PRR7: variants seen among roughly 807,000 people sequenced by gnomAD.
PRR7 encodes the protein proline-rich protein 7.
A neutral mutation model predicts 18.5 loss-of-function variants in PRR7; 8 were observed. The observed-to-expected ratio is 0.43, with a 90% CI of 0.25 to 0.78. The LOEUF (loss-of-function observed/expected upper bound fraction) is 0.78, where lower values mean the gene tolerates loss of function less well. PRR7 is among the 30% of genes least tolerant of loss of function. PRR7 has a pLI of 0.22. For missense variants in PRR7, 396 were observed against 403.1 expected (o/e 0.98, Z 0.15); for synonymous variants, 221 against 187.7 (o/e 1.18, Z -1.45).
Position 177,449,824 on chromosome 5 carries a change from T to C in PRR7, c.-325+2864T>C, listed in dbSNP as rs2630765. ...GTCATCTACCTGCAAGCAAGGGTGC[T>C]TGCCACTCAGTACCCTGGCCTAGGC... On this transcript the variant is annotated intron_variant, in intron 1 of 3. Transcript: ENST00000323249. This position sits in a 1 kb window ranked among gnomAD's most constrained non-coding sequence, Gnocchi z 4.2. Among the ~76,000 whole-genome samples the C allele has an allele frequency of 0.49, 74,894 of 151,932 alleles. 18,922 individuals are homozygous for C. Among genetic ancestry groups the C allele is most frequent in the Non-Finnish European group, 0.56 (37,907 of 67,916 alleles).
intron 1 of PRR7, among the ~76,000 whole-genome samples, chr5:177,452,887 C>T (rs1430988713): frequency 1.3e-5 from 2 of 152,230 alleles, no homozygotes; most frequent in Non-Finnish European, 2.9e-5. Flanking sequence ...ACTGCTATTC[C>T]ACAGCAGAGT....
At position 177,456,218 on chromosome 5, in the gene PRR7, G is replaced by T; in HGVS notation, c.*97G>T. ...TGGACTGCGGGGAGGGGCGGGGGGA[G>T]GGAGGGATTTCTTATCCCGTTTGTT... On this transcript the variant is annotated 3_prime_UTR_variant, in exon 4 of 4. Transcript: ENST00000323249. 2.0e-6 allele frequency: 1 copy of T among 497,422 alleles called. No individual in the cohort carries two copies. The highest frequency in any genetic ancestry group is 3.5e-6 in the Non-Finnish European group (1 of 285,646). 30.8% of individuals were successfully genotyped at this position (497,422 alleles called of 1,614,324 possible). A position where few individuals can be genotyped will look rare whatever the true frequency, so the allele number is the denominator to read the frequency against.
At position 177,455,950 on chromosome 5, in the gene PRR7, C is replaced by T. The variant is rs771342319; in HGVS notation, c.654C>T (p.Ser218=). The change falls in exon 4 of 4, where the codon AGC becomes AGT. Residue 218 remains serine, a synonymous_variant. Transcript: ENST00000323249. The surrounding 1 kb of genome is among the most constrained non-coding windows in gnomAD (Gnocchi z 6.9). ...ACACCTCGGCGCTGCACCTGCCCAGCGCCCCTCGGCCCGCGCCGCCCTGCC... is the reference window on the plus strand; with the variant it reads ...ACACCTCGGCGCTGCACCTGCCCAGTGCCCCTCGGCCCGCGCCGCCCTGCC... ...RGYTSALHLP[S]APRPAPPCPA... 8.8e-6 allele frequency: 14 copies of T among 1,596,622 alleles called. No individual in the cohort carries two copies. The highest frequency in any genetic ancestry group is 1.2e-5 in the Non-Finnish European group (14 of 1,175,050).
chr5:177,455,160 C>T lies in PRR7; in HGVS notation c.93C>T (p.Cys31=). 1 of 1,576,168 alleles carries T rather than the reference C, an allele frequency of 6.3e-7. No homozygotes were observed. Reference sequence around the variant, plus strand: ...TCATCGTCCTGCTCTGCTGCTTCTGCAGCTTCCTGCGCCGCCGCCTCAAAC... The same window carrying T: ...TCATCGTCCTGCTCTGCTGCTTCTGTAGCTTCCTGCGCCGCCGCCTCAAAC... ...WGLIVLLCCF[C]SFLRRRLKRR... Residue 31 remains cysteine (C), a synonymous_variant, in exon 3 of 4, where the codon TGC becomes TGT. Coordinates refer to ENST00000323249, the MANE Select transcript of PRR7 (RefSeq NM_030567.5). This position sits in a 1 kb window ranked among gnomAD's most constrained non-coding sequence, Gnocchi z 6.9.
rs1428276038 is a variant in PRR7, at chr5:177,455,001, C to T, written c.-67C>T. On this transcript the variant is annotated 5_prime_UTR_variant, in exon 3 of 4. Coordinates refer to ENST00000323249, the MANE Select transcript of PRR7 (RefSeq NM_030567.5). This position sits in a 1 kb window ranked among gnomAD's most constrained non-coding sequence, Gnocchi z 6.9. The stretch of plus-strand genomic sequence containing the variant: ...CGGCACCTGAGAGTGTGGCGCGGGC[C>T]CGGGGCCACGCAGCGGAGCCCAGTG... 12 of 1,381,918 alleles carry T rather than the reference C, an allele frequency of 8.7e-6. No individual in the cohort carries two copies. Among genetic ancestry groups the T allele is most frequent in the Non-Finnish European group, 1.1e-5 (12 of 1,068,380 alleles). The allele number at this position is 1,381,918 out of a possible 1,614,324, so 85.6% of individuals were successfully genotyped here.
In PRR7 at chr5:177,454,962, C is replaced by T; in HGVS notation, c.-106C>T. On this transcript the variant is annotated 5_prime_UTR_variant, in exon 3 of 4. Coordinates refer to ENST00000323249, the MANE Select transcript of PRR7 (RefSeq NM_030567.5). The surrounding 1 kb of genome is among the most constrained non-coding windows in gnomAD (Gnocchi z 4.7). ...ACGGGCAGCCCCCGGCCGCGGGTCC[C>T]CGAGTGACGCTGGCGGCACCTGAGA... 2 of 1,329,308 alleles carry T rather than the reference C, an allele frequency of 1.5e-6. No individual in the cohort carries two copies. The highest frequency in any genetic ancestry group is 9.6e-7 in the Non-Finnish European group (1 of 1,040,506). 82.3% of individuals were successfully genotyped at this position (1,329,308 alleles called of 1,614,324 possible).
chr5:177,453,584 C>A (rs1215233536), intron 1 of PRR7, among the ~76,000 whole-genome samples: 1 of 152,164 alleles, frequency 6.6e-6, no homozygotes, highest in African/African-American at 2.4e-5. Flanking sequence ...CAGCCTGGGG[C>A]TCAGGCTCCC....
At chr5:177,451,932 C>A (rs1249671503) in intron 1 of PRR7, among the ~76,000 whole-genome samples, 5 of 110,702 alleles carry the variant, frequency 4.5e-5, no homozygotes, top group African/African-American at 1.7e-4. Context: ...TACCTCCACA[C>A]CCTTTGCATG....
Position 177,456,266 on chromosome 5 carries a change from G to C in PRR7, c.*145G>C, listed in dbSNP as rs1284174143. 56 of 1,103,920 alleles carry C rather than the reference G, an allele frequency of 5.1e-5. No homozygotes were observed. In the East Asian group the frequency reaches 1.6e-3, roughly 32 times the overall value. The allele number at this position is 1,103,920 out of a possible 1,614,324, so 68.4% of individuals were successfully genotyped here. A position where few individuals can be genotyped will look rare whatever the true frequency, so the allele number is the denominator to read the frequency against. ...GTTACATTTTGAGGATAATAAAGGT[G>C]TGTGATCTGGTTTGGTACAAGCGGA... On this transcript the variant is annotated 3_prime_UTR_variant, in exon 4 of 4. Transcript: ENST00000323249.
chr5:177,456,200 CGGGGAGGGGCGGGGGG>C lies in PRR7; in HGVS notation c.*80_*95del. The C allele has an allele frequency of 8.1e-7, 1 of 1,227,864 alleles. No individual in the cohort carries two copies. Among genetic ancestry groups the C allele is most frequent in the Non-Finnish European group, 1.0e-6 (1 of 958,076 alleles). The allele number at this position is 1,227,864 out of a possible 1,614,324, so 76.1% of individuals were successfully genotyped here. On this transcript the variant is annotated 3_prime_UTR_variant, in exon 4 of 4. Transcript: ENST00000323249. ...GCTTTTTAAATGCTTCCCTGGACTGCGGGGAGGGGCGGGGGGAGGGAGGGATTTCTTATCCCGTTTG... is the reference window on the plus strand; with the variant it reads ...GCTTTTTAAATGCTTCCCTGGACTGCAGGGAGGGATTTCTTATCCCGTTTG...
At chr5:177,446,764 C>T (rs1180570058), upstream of PRR7, 2 of 151,152 alleles carry the variant, frequency 1.3e-5, no homozygotes, top group Non-Finnish European at 3.0e-5. The surrounding 1 kb of genome is among the most constrained non-coding windows in gnomAD (Gnocchi z 5.3). Context: ...GCGCGCACGC[C>T]GGGCTCAGCA....
At position 177,455,343 on chromosome 5, in the gene PRR7, G is replaced by C; in HGVS notation, c.276G>C (p.Ser92=). ...TGGAGGCGCCGGCTCACGCGCACTC[G>C]CATCCGCACGTGCACGTGCACCCGC... ...SRLEAPAHAH[S]HPHVHVHPLL... The change falls in exon 3 of 4, where the codon TCG becomes TCC. Residue 92 remains serine (S), a synonymous_variant. Transcript: ENST00000323249. The surrounding 1 kb of genome is among the most constrained non-coding windows in gnomAD (Gnocchi z 6.9). The C allele has an allele frequency of 1.3e-6, 2 of 1,489,546 alleles. No individual in the cohort carries two copies. The highest frequency in any genetic ancestry group is 1.8e-6 in the Non-Finnish European group (2 of 1,128,464). 92.3% of individuals were successfully genotyped at this position (1,489,546 alleles called of 1,614,324 possible).
chr5:177,452,191 C>T (rs1486681540), intron 1 of PRR7, among the ~76,000 whole-genome samples: 7 of 152,182 alleles, frequency 4.6e-5, no homozygotes, highest in South Asian at 2.1e-4. Flanking sequence ...TGGCAGACTT[C>T]GGTCCATCTG....
rs755406642 is a variant in PRR7, at chr5:177,455,454, C to G, written c.387C>G (p.His129Gln). The change falls in exon 3 of 4, where the codon CAC (histidine) becomes CAG (glutamine). Residue 129 changes from histidine to glutamine, a missense_variant. His to Gln is a conservative substitution (Grantham distance 24). Around this residue, in one of 2 missense-constraint regions of PRR7, gnomAD observed 383 missense variants for 372.6 expected, o/e 1.03. Transcript: ENST00000323249. This position sits in a 1 kb window ranked among gnomAD's most constrained non-coding sequence, Gnocchi z 6.9. ...CGCTCCCGCACCCGCCGCCTACGCA[C>G]CTGTCGGTGCCGCCACGGCCCTGGA... ...HHALPHPPPTHLSVPPRPWSY... is the reference protein window; with the variant it reads ...HHALPHPPPTQLSVPPRPWSY... 1 of 1,506,044 alleles carries G rather than the reference C, an allele frequency of 6.6e-7. No individual in the cohort carries two copies. The highest frequency in any genetic ancestry group is 1.2e-5 in the South Asian group (1 of 81,226). 93.3% of individuals were successfully genotyped at this position (1,506,044 alleles called of 1,614,324 possible).
intron 1 of PRR7, chr5:177,447,625 C>T (rs932346469): frequency 1.3e-4 from 19 of 145,634 alleles, no homozygotes; most frequent in Non-Finnish European, 2.7e-4. Context: ...CTGGGTTCCC[C>T]AGGGGCGACG....
rs912374780 is a variant in PRR7 at position 177,454,657 on chromosome 5, G to C, written c.-239-172G>C. On this transcript the variant is annotated intron_variant, in intron 2 of 3. Transcript: ENST00000323249. The surrounding 1 kb of genome is among the most constrained non-coding windows in gnomAD (Gnocchi z 4.7). ...GGGCTCAGATCGGGGAAACCCTACC[G>C]GGGAAACCTCGAGGCGTGACGTCAC... is the stretch of plus-strand genomic sequence containing the variant. Among the ~76,000 whole-genome samples the C allele has an allele frequency of 2.0e-5, 3 of 151,844 alleles. No individual in the cohort carries two copies. Among genetic ancestry groups the C allele is most frequent in the African/African-American group, 7.3e-5 (3 of 41,370 alleles).
rs755000520 is a variant in PRR7, at chr5:177,456,022, C to G, written c.726C>G (p.Ser242Arg). Residue 242 changes from serine to arginine, a missense_variant, in exon 4 of 4, where the codon AGC becomes AGG. By Grantham distance (110) the Ser-to-Arg change is moderately radical. This residue lies in a region of PRR7 where 383 missense variants were observed against 372.6 expected (regional missense o/e 1.03). Transcript: ENST00000323249. Reference sequence around the variant, plus strand: ...ACCGTGGCCGCCGGGTCTTCCCCAGCTGGACCGACTCAGAGCTCAGCAGCC... The same window carrying G: ...ACCGTGGCCGCCGGGTCTTCCCCAGGTGGACCGACTCAGAGCTCAGCAGCC... The part of the protein sequence containing the change: ...QADRGRRVFP[S>R]WTDSELSSRE... 5.1e-6 allele frequency: 8 copies of G among 1,579,782 alleles called. No individual in the cohort carries two copies. The East Asian group carries it at 1.8e-4, about 36-fold the overall frequency.
At position 177,450,958 on chromosome 5, in the gene PRR7, G is replaced by A. The variant is rs1007831853; in HGVS notation, c.-324-2998G>A. Among the ~76,000 whole-genome samples, 1 of 152,230 alleles carries A rather than the reference G, an allele frequency of 6.6e-6. No individual in the cohort carries two copies. The highest frequency in any genetic ancestry group is 2.4e-5 in the African/African-American group (1 of 41,456). ...AAATGCTAGATTGGCTCCTGAGGCA[G>A]CGTAGTGTTGTGAGGAGTGACTAGG... On this transcript the variant is annotated intron_variant, in intron 1 of 3. Transcript: ENST00000323249. This position sits in a 1 kb window ranked among gnomAD's most constrained non-coding sequence, Gnocchi z 6.6.
chr5:177,455,609 G>A lies in PRR7; in HGVS notation c.427+115G>A. On this transcript the variant is annotated intron_variant, in intron 3 of 3. Coordinates refer to ENST00000323249, the MANE Select transcript of PRR7 (RefSeq NM_030567.5). This position sits in a 1 kb window ranked among gnomAD's most constrained non-coding sequence, Gnocchi z 6.9. ...CCGCAGCCTCCGGGAGAACACGGGC[G>A]GCGGCGGGCTCGGGTTCGGGCTAGG... The A allele has an allele frequency of 7.2e-7, 1 of 1,397,972 alleles. No homozygotes were observed. Among genetic ancestry groups the A allele is most frequent in the East Asian group, 2.8e-5 (1 of 36,084 alleles). The allele number at this position is 1,397,972 out of a possible 1,614,324, so 86.6% of individuals were successfully genotyped here.
Sources: gnomAD v4.1 joint callset for allele counts (sites outside exome capture counted in the v4.1 genomes callset) on GRCh38, gnomAD v4.1.1 for gene constraint, gnomAD v4.1.1 regional missense constraint, Gnocchi (gnomAD v3.1) non-coding constraint, MANE v1.5 for transcripts, NCBI Gene and HGNC (gene_info 2026-07-23, HGNC 2026-07-21) for gene names.